The following AGBL1 variants were observed in gnomAD, a reference collection of about 807,000 sequenced individuals.
AGBL1 encodes the protein AGBL carboxypeptidase 1, also known as cytosolic carboxypeptidase 4.
A neutral mutation model predicts 118.9 loss-of-function variants in AGBL1; 130 were observed. That is an observed-to-expected ratio of 1.09 (90% CI 0.95 to 1.26). The LOEUF is 1.26. Among genes scored for constraint, AGBL1 ranks in the 50% most tolerant of loss-of-function variants. The pLI is 0.00. For missense variants in AGBL1, 1,584 were observed against 1,298.1 expected (o/e 1.22, Z -3.38); for synonymous variants, 555 against 478.9 (o/e 1.16, Z -2.08).
At chr15:86,087,315 T>C (rs1316556993) in intron 1 of AGBL1, among the ~76,000 whole-genome samples, 2 of 152,136 alleles carry the variant, frequency 1.3e-5, no homozygotes, top group East Asian at 3.9e-4. Context: ...TTCACATGCA[T>C]TGTCTCATTT....
At position 86,264,769 on chromosome 15, in the gene AGBL1, C is replaced by G; in HGVS notation, c.1598C>G (p.Pro533Arg). ...SVVDFKMMAF[P>R]DVWGHCPPPT... ...GTGGACTTCAAGATGATGGCATTTC[C>G]TGATGTCTGGGGACACTGTCCCCCT... Residue 533 changes from proline (P) to arginine (R), a missense_variant, in exon 11 of 23, where the codon CCT (proline) becomes CGT (arginine). Pro to Arg is a moderately radical substitution (Grantham distance 103). Coordinates refer to ENST00000614907, the MANE Select transcript of AGBL1 (RefSeq NM_001386094.1). 1 of 1,614,036 alleles carries G rather than the reference C, an allele frequency of 6.2e-7. No homozygotes were observed. Among genetic ancestry groups the G allele is most frequent in the Non-Finnish European group, 8.5e-7 (1 of 1,179,908 alleles).
At chr15:86,844,858 A>G (rs2079297279) in intron 22 of AGBL1, among the ~76,000 whole-genome samples, 1 of 152,114 alleles carries the variant, frequency 6.6e-6, no homozygotes, top group African/African-American at 2.4e-5. Flanking sequence ...CTATGAGTCA[A>G]TTTATATGTA....
intron 22 of AGBL1, among the ~76,000 whole-genome samples, chr15:86,833,941 A>G (rs1008284198): frequency 3.3e-5 from 5 of 152,132 alleles, no homozygotes; most frequent in African/African-American, 7.2e-5. Context: ...CAGTTTCCCA[A>G]AAAAGAAGTC....
chr15:86,704,209 C>G (rs867033872), intron 22 of AGBL1, among the ~76,000 whole-genome samples: 32 of 152,254 alleles, frequency 2.1e-4, no homozygotes, highest in South Asian at 1.4e-3. Flanking sequence ...TAGGCAATAC[C>G]ATTCAGGACA....
chr15:86,697,204 T>C (rs1004983206), intron 22 of AGBL1, among the ~76,000 whole-genome samples: 11 of 151,926 alleles, frequency 7.2e-5, no homozygotes, highest in Admixed American at 3.3e-4. Flanking sequence ...TCCAAACTTT[T>C]AAATTTCTCT....
At chr15:86,179,251 AAGCCTCG>A (rs1228092261) in intron 5 of AGBL1, among the ~76,000 whole-genome samples, 4 of 152,208 alleles carry the variant, frequency 2.6e-5, no homozygotes, top group Admixed American at 1.3e-4. Context: ...TGTATGACTA[AAGCCTCG>A]AGGTTAGCAG....
intron 21 of AGBL1, among the ~76,000 whole-genome samples, chr15:86,575,544 T>A (rs959083737): frequency 6.6e-6 from 1 of 152,094 alleles, no homozygotes; most frequent in South Asian, 2.1e-4. Context: ...AAATAAAAGC[T>A]AAAGCACAAA....
chr15:86,400,484 G>A (rs1420357597), intron 18 of AGBL1, among the ~76,000 whole-genome samples: 2 of 149,348 alleles, frequency 1.3e-5, no homozygotes, highest in Non-Finnish European at 3.0e-5. Context: ...AGTTTTGGGG[G>A]AACAGGTTTT....
Position 86,722,716 on chromosome 15 carries a change from A to T in AGBL1, c.3158+48280A>T, listed in dbSNP as rs150716006. 9.5e-3 allele frequency among the ~76,000 whole-genome samples: 1,433 copies of T among 151,582 alleles called. 16 individuals are homozygous for T. The highest frequency in any genetic ancestry group is 0.054 in the East Asian group (271 of 5,052). ...AAAAGAAACTATCATCAGAGTGAACAGGCAACCTGCAGAATGGGAGAAAAG... is the reference window on the plus strand; with the variant it reads ...AAAAGAAACTATCATCAGAGTGAACTGGCAACCTGCAGAATGGGAGAAAAG... On this transcript the variant is annotated intron_variant, in intron 22 of 22. Coordinates refer to ENST00000614907, the MANE Select transcript of AGBL1 (RefSeq NM_001386094.1).
At chr15:86,586,708 A>C (rs2084253739) in intron 21 of AGBL1, among the ~76,000 whole-genome samples, 2 of 152,186 alleles carry the variant, frequency 1.3e-5, no homozygotes, top group African/African-American at 4.8e-5. Context: ...CCTGGGAGGT[A>C]TACAATAGTT....
chr15:86,539,324 A>T (rs190942587), intron 19 of AGBL1, among the ~76,000 whole-genome samples: 2 of 152,318 alleles, frequency 1.3e-5, no homozygotes, highest in Non-Finnish European at 2.9e-5. Context: ...TAGCCTCTAA[A>T]TCCATTGTCT....
chr15:86,236,202 G>A (rs184127868), intron 6 of AGBL1, among the ~76,000 whole-genome samples: 63 of 152,256 alleles, frequency 4.1e-4, no homozygotes, highest in Admixed American at 3.7e-3. Flanking sequence ...AGTTAGAGAC[G>A]CTGCTCAGCC....
intron 1 of AGBL1, among the ~76,000 whole-genome samples, chr15:86,139,349 C>T (rs1207119967): frequency 6.6e-6 from 1 of 151,992 alleles, no homozygotes; most frequent in Non-Finnish European, 1.5e-5. Flanking sequence ...TGCAGAGATC[C>T]CTTAGAGTTT....
intron 22 of AGBL1, among the ~76,000 whole-genome samples, chr15:86,813,210 G>GC (rs373519033): frequency 1.3e-5 from 2 of 151,526 alleles, no homozygotes; most frequent in South Asian, 2.1e-4. Context: ...GGTTGGGGGG[G>GC]CCTCAGGGGA....
chr15:86,981,805 C>A (rs796334963), intron 23 of AGBL1, among the ~76,000 whole-genome samples: 1 of 152,088 alleles, frequency 6.6e-6, no homozygotes, highest in Non-Finnish European at 1.5e-5. Context: ...AAAACAGGAT[C>A]CATCACCATT....
At chr15:86,458,995 A>G (rs1596140344) in intron 18 of AGBL1, among the ~76,000 whole-genome samples, 2 of 152,194 alleles carry the variant, frequency 1.3e-5, no homozygotes, top group African/African-American at 4.8e-5. Flanking sequence ...TTGCCTTAAA[A>G]GCTTGGTAAA....
chr15:86,767,036 A>T (rs1041202033), intron 22 of AGBL1, among the ~76,000 whole-genome samples: 1 of 152,016 alleles, frequency 6.6e-6, no homozygotes, highest in African/African-American at 2.4e-5. Flanking sequence ...TTAAATAGTA[A>T]TCATGTTTAA....
intron 5 of AGBL1, among the ~76,000 whole-genome samples, chr15:86,212,752 C>A (rs761397407): frequency 6.6e-6 from 1 of 152,142 alleles, no homozygotes; most frequent in African/African-American, 2.4e-5. Flanking sequence ...CAGGTTCAAG[C>A]GATTCTTCTG....
intron 18 of AGBL1, among the ~76,000 whole-genome samples, chr15:86,454,465 A>T (rs987031359): frequency 6.6e-5 from 10 of 152,184 alleles, no homozygotes; most frequent in Non-Finnish European, 1.5e-4. Flanking sequence ...TAGCAGTTGT[A>T]CTCATAATCA....
Sources: gnomAD v4.1 joint callset for allele counts (sites outside exome capture counted in the v4.1 genomes callset) on GRCh38, gnomAD v4.1.1 for gene constraint, MANE v1.5 for transcripts, NCBI Gene and HGNC (gene_info 2026-07-23, HGNC 2026-07-21) for gene names.